Variants in ATRNL1 observed in about 807,000 individuals in gnomAD.
ATRNL1 encodes the protein attractin like 1, also known as attractin-like protein 1.
In ATRNL1, 95 loss-of-function variants were observed where a neutral mutation model predicts 182.7. The observed-to-expected ratio is 0.52, with a 90% CI of 0.44 to 0.62. The LOEUF is 0.62. Among genes scored for constraint, ATRNL1 ranks in the 20% least tolerant of loss-of-function variants. The pLI is 0.00. For missense variants in ATRNL1, 1,471 were observed against 1,679.5 expected, an observed-to-expected ratio of 0.88 and a Z score of 2.17; for synonymous variants, 576 against 568.3, an observed-to-expected ratio of 1.01 and a Z score of -0.19.
In ATRNL1 at chr10:115,811,974, A is replaced by G. The variant is rs369165881; in HGVS notation, c.3904-35903A>G. Reference sequence around the variant, plus strand: ...TCACTGTTAACAACTTTGTGTATATACCTATTTTTAAAAGTTTTATTTTTA... The same window carrying G: ...TCACTGTTAACAACTTTGTGTATATGCCTATTTTTAAAAGTTTTATTTTTA... On this transcript the variant is annotated intron_variant, in intron 27 of 28. Coordinates refer to ENST00000355044, the MANE Select transcript of ATRNL1 (RefSeq NM_207303.4). Among the ~76,000 whole-genome samples, 14 of 152,212 alleles carry G rather than the reference A, an allele frequency of 9.2e-5. No homozygotes were observed. In the East Asian group the frequency reaches 1.5e-3, roughly 17 times the overall value.
At chr10:115,486,214 A>G (rs1314551892) in intron 24 of ATRNL1, among the ~76,000 whole-genome samples, 1 of 152,136 alleles carries the variant, frequency 6.6e-6, no homozygotes, top group Non-Finnish European at 1.5e-5. Flanking sequence ...ATCTGTGTGC[A>G]TGTGTCTCTA....
At chr10:115,615,712 ATCTT>A (rs1330299499) in intron 26 of ATRNL1, among the ~76,000 whole-genome samples, 10 of 152,194 alleles carry the variant, frequency 6.6e-5, no homozygotes, top group African/African-American at 2.2e-4. Flanking sequence ...CCTCCTCGCT[ATCTT>A]TCTTCCCGCT....
Position 115,631,831 on chromosome 10 carries a change from C to T in ATRNL1, c.3795+82295C>T, listed in dbSNP as rs1240799880. Among the ~76,000 whole-genome samples the T allele has an allele frequency of 2.6e-5, 4 of 152,018 alleles. No individual in the cohort carries two copies. The East Asian group carries it at 7.7e-4, about 29-fold the overall frequency. ...GAAGAGAATGCCTAGAGACCATTTT[C>T]AATGGTTTTCTAGGACTGAGCTGTG... On this transcript the variant is annotated intron_variant, in intron 26 of 28. Coordinates refer to ENST00000355044, the MANE Select transcript of ATRNL1 (RefSeq NM_207303.4).
chr10:115,134,290 C>A (rs1845400328), intron 5 of ATRNL1, among the ~76,000 whole-genome samples: 2 of 151,704 alleles, frequency 1.3e-5, no homozygotes, highest in African/African-American at 4.8e-5. Flanking sequence ...AGACCATTAG[C>A]AAGACTAATA....
intron 9 of ATRNL1, among the ~76,000 whole-genome samples, chr10:115,224,920 A>G (rs1248358537): frequency 2.0e-5 from 3 of 152,142 alleles, no homozygotes; most frequent in Non-Finnish European, 4.4e-5. Context: ...TGATCACTTT[A>G]CTGGTGAATT....
chr10:115,456,228 A>G (rs1554968673), intron 21 of ATRNL1, among the ~76,000 whole-genome samples: 1 of 152,202 alleles, frequency 6.6e-6, no homozygotes, highest in Non-Finnish European at 1.5e-5. Flanking sequence ...AAGGCTTGGA[A>G]CCAACCCAAA....
chr10:115,373,563 T>C (rs1554948679), intron 19 of ATRNL1, among the ~76,000 whole-genome samples: 1 of 152,068 alleles, frequency 6.6e-6, no homozygotes. Flanking sequence ...ATTTTTTCAA[T>C]CATGGAAGAA....
At chr10:115,785,512 G>C (rs1409880814) in intron 27 of ATRNL1, among the ~76,000 whole-genome samples, 1 of 152,214 alleles carries the variant, frequency 6.6e-6, no homozygotes, top group African/African-American at 2.4e-5. Context: ...TGCAATTCAT[G>C]GGAGTCTGTG....
At chr10:115,670,087 G>T (rs1272328809) in intron 26 of ATRNL1, among the ~76,000 whole-genome samples, 1 of 152,048 alleles carries the variant, frequency 6.6e-6, no homozygotes, top group African/African-American at 2.4e-5. Flanking sequence ...AGAGAACTGG[G>T]TTTTACATTT....
intron 27 of ATRNL1, among the ~76,000 whole-genome samples, chr10:115,794,189 G>A (rs1949596676): frequency 6.6e-6 from 1 of 152,076 alleles, no homozygotes. Flanking sequence ...ATGCATGCCT[G>A]TTTTTAAACA....
intron 28 of ATRNL1, among the ~76,000 whole-genome samples, chr10:115,856,114 G>A (rs1951173621): frequency 6.6e-6 from 1 of 152,048 alleles, no homozygotes; most frequent in African/African-American, 2.4e-5. Context: ...AGCATCAATT[G>A]TTGGTGTAGT....
At chr10:115,604,799 C>T (rs1856790836) in intron 26 of ATRNL1, among the ~76,000 whole-genome samples, 1 of 152,146 alleles carries the variant, frequency 6.6e-6, no homozygotes, top group African/African-American at 2.4e-5. Flanking sequence ...CATAGATTTT[C>T]TCCACTTTTC....
At chr10:115,255,605 A>T (rs893339936) in intron 10 of ATRNL1, among the ~76,000 whole-genome samples, 1 of 152,196 alleles carries the variant, frequency 6.6e-6, no homozygotes, top group South Asian at 2.1e-4. Context: ...TGACTTCCTC[A>T]TTTCCTAATT....
intron 26 of ATRNL1, among the ~76,000 whole-genome samples, chr10:115,719,106 GA>G (rs1947341716): frequency 2.6e-5 from 4 of 152,036 alleles, no homozygotes; most frequent in South Asian, 2.1e-4. Context: ...AACGATGAAA[GA>G]AAAAAACAAA....
chr10:115,265,668 A>G (rs1554910430), intron 11 of ATRNL1, among the ~76,000 whole-genome samples: 1 of 151,718 alleles, frequency 6.6e-6, no homozygotes, highest in African/African-American at 2.4e-5. Context: ...TTAGATTCTC[A>G]TTTTAGTTCT....
intron 24 of ATRNL1, among the ~76,000 whole-genome samples, chr10:115,485,439 GCTAAT>G (rs1848971453): frequency 1.4e-4 from 22 of 151,910 alleles, no homozygotes; most frequent in Non-Finnish European, 2.9e-4. Context: ...GTTAAATCTA[GCTAAT>G]TAAAATATGC....
chr10:115,171,126 A>T lies in ATRNL1; in HGVS notation c.1182A>T (p.Ser394=). 1.9e-6 allele frequency: 3 copies of T among 1,610,566 alleles called. No homozygotes were observed. The highest frequency in any genetic ancestry group is 1.7e-6 in the Non-Finnish European group (2 of 1,177,694). ...ELWVFNIHSQ[S]WSTKTPTVLG... The stretch of plus-strand genomic sequence containing the variant: ...GGGTTTTTAACATACATAGTCAGTC[A>T]TGGAGTACAAAAACTCCTACTGTTC... The change falls in exon 8 of 29, where the codon TCA becomes TCT. Residue 394 remains serine (S), a synonymous_variant. Transcript: ENST00000355044.
At chr10:115,763,207 A>G (rs1267161838) in intron 27 of ATRNL1, among the ~76,000 whole-genome samples, 11 of 152,228 alleles carry the variant, frequency 7.2e-5, no homozygotes, top group Admixed American at 5.9e-4. Flanking sequence ...TCCATCATTC[A>G]AAAATATTTA....
chr10:115,224,071 G>A (rs1055359777), intron 9 of ATRNL1, among the ~76,000 whole-genome samples: 1 of 150,692 alleles, frequency 6.6e-6, no homozygotes, highest in East Asian at 1.9e-4. Flanking sequence ...GAGTAGCTGG[G>A]ACTACAGGCA....
Sources: gnomAD v4.1 joint callset for allele counts (sites outside exome capture counted in the v4.1 genomes callset) on GRCh38, gnomAD v4.1.1 for gene constraint, MANE v1.5 for transcripts, NCBI Gene and HGNC (gene_info 2026-07-23, HGNC 2026-07-21) for gene names.